NRXN3: variants seen among roughly 807,000 people sequenced by gnomAD.
NRXN3 encodes the protein neurexin 3, also known as neurexin III.
Under a neutral mutation model 137.6 loss-of-function variants are expected in NRXN3, and 32 were observed. The observed-to-expected ratio is 0.23, with a 90% CI of 0.18 to 0.31. The LOEUF (loss-of-function observed/expected upper bound fraction) is 0.31. Ranked by LOEUF, NRXN3 falls within the 10% of genes least tolerant of loss-of-function variation. The pLI is 1.00. For synonymous variants in NRXN3, 798 were observed against 784.5 expected, an observed-to-expected ratio of 1.02 and a Z score of -0.29; for missense variants, 1,574 against 2,062.5, an observed-to-expected ratio of 0.76 and a Z score of 4.59.
At chr14:78,551,330 C>G (rs1028844754) in intron 4 of NRXN3, among the ~76,000 whole-genome samples, 6 of 152,018 alleles carry the variant, frequency 3.9e-5, no homozygotes, top group African/African-American at 1.2e-4. Flanking sequence ...TGCTCTTTCT[C>G]TCTTGCCTTC....
intron 19 of NRXN3, among the ~76,000 whole-genome samples, chr14:79,775,331 T>C (rs920362862): frequency 6.6e-6 from 1 of 152,090 alleles, no homozygotes; most frequent in Middle Eastern, 3.2e-3. Flanking sequence ...TAATTCTAGG[T>C]ATCCTGGAAA....
intron 15 of NRXN3, among the ~76,000 whole-genome samples, chr14:79,422,062 G>T (rs1170145316): frequency 6.6e-6 from 1 of 152,010 alleles, no homozygotes; most frequent in Admixed American, 6.6e-5. Context: ...GTTTCATAGG[G>T]TTTTTGTTTT....
intron 4 of NRXN3, among the ~76,000 whole-genome samples, chr14:78,345,253 T>A (rs1435692063): frequency 6.6e-6 from 1 of 152,178 alleles, no homozygotes; most frequent in Non-Finnish European, 1.5e-5. Context: ...GTAGTTCAGC[T>A]TTTACTAAGG....
At chr14:78,237,311 G>A (rs1301927338) in intron 1 of NRXN3, among the ~76,000 whole-genome samples, 1 of 152,132 alleles carries the variant, frequency 6.6e-6, no homozygotes, top group African/African-American at 2.4e-5. Flanking sequence ...ACTTGCTAAA[G>A]GAAAAAAAGT....
At chr14:78,643,096 A>C (rs1303601572) in intron 4 of NRXN3, among the ~76,000 whole-genome samples, 3 of 152,236 alleles carry the variant, frequency 2.0e-5, no homozygotes. Context: ...TAATGATGTC[A>C]TAATGCTAAG....
intron 2 of NRXN3, among the ~76,000 whole-genome samples, chr14:78,267,867 G>A (rs1181966692): frequency 1.3e-5 from 2 of 152,270 alleles, no homozygotes; most frequent in Middle Eastern, 3.4e-3. Context: ...GTGACTAACA[G>A]CAATGCAGAG....
At chr14:78,832,482 T>C (rs1406754259) in intron 10 of NRXN3, among the ~76,000 whole-genome samples, 2 of 152,180 alleles carry the variant, frequency 1.3e-5, no homozygotes, top group Non-Finnish European at 2.9e-5. Flanking sequence ...CTAGGCTAAG[T>C]AAGCATGAAA....
At chr14:78,480,794 A>T (rs939552677) in intron 4 of NRXN3, among the ~76,000 whole-genome samples, 1 of 152,166 alleles carries the variant, frequency 6.6e-6, no homozygotes, top group African/African-American at 2.4e-5. Flanking sequence ...AATGGAGCAG[A>T]CACATGATTA....
chr14:78,899,446 G>A (rs1597150322), intron 10 of NRXN3, among the ~76,000 whole-genome samples: 1 of 151,938 alleles, frequency 6.6e-6, no homozygotes, highest in Non-Finnish European at 1.5e-5. Flanking sequence ...CTTCTGCCAC[G>A]TGGGCACAGA....
intron 15 of NRXN3, among the ~76,000 whole-genome samples, chr14:79,172,624 A>C (rs1351469907): frequency 1.3e-5 from 2 of 152,188 alleles, no homozygotes; most frequent in African/African-American, 4.8e-5. Flanking sequence ...ATCTAAATCA[A>C]AGACTATGGT....
At chr14:78,627,855 C>A (rs72683556) in intron 4 of NRXN3, among the ~76,000 whole-genome samples, 9,266 of 152,158 alleles carry the variant, frequency 0.061, 338 homozygotes, top group Middle Eastern at 0.15. Context: ...AAGTGAGGAG[C>A]ATACCCCTTC....
intron 20 of NRXN3, among the ~76,000 whole-genome samples, chr14:79,824,775 T>TTTTG (rs1693932420): frequency 6.6e-6 from 1 of 152,220 alleles, no homozygotes; most frequent in South Asian, 2.1e-4. Context: ...ACTCTTTTGG[T>TTTTG]TTTGTTAGTA....
chr14:79,208,843 G>T (rs1018904984), intron 15 of NRXN3, among the ~76,000 whole-genome samples: 1 of 152,090 alleles, frequency 6.6e-6, no homozygotes, highest in Non-Finnish European at 1.5e-5. Flanking sequence ...TATACTTTAA[G>T]AAAAAAATTC....
rs140445434 is a variant in NRXN3, at chr14:79,491,600, C to CAAAAAAA, written c.3444+24200_3444+24206dup. Among the ~76,000 whole-genome samples, 39 of 150,222 alleles carry CAAAAAAA rather than the reference C, an allele frequency of 2.6e-4. 2 individuals are homozygous for CAAAAAAA. The highest frequency in any genetic ancestry group is 9.1e-4 in the African/African-American group (37 of 40,460). The stretch of plus-strand genomic sequence containing the variant: ...TGTAAAGAAATGACATTTTTCGTCT[C>CAAAAAAA]AAAAAAAAGCAAAAACAAAAAAGAA... On this transcript the variant is annotated intron_variant, in intron 16 of 20. Transcript: ENST00000335750.
chr14:78,184,905 G>A (rs1479023678), intron 1 of NRXN3, among the ~76,000 whole-genome samples: 1 of 152,196 alleles, frequency 6.6e-6, no homozygotes, highest in African/African-American at 2.4e-5. Flanking sequence ...GCTCGAGTTT[G>A]GATGCTGTGC....
At chr14:79,392,199 G>A (rs1261805989) in intron 15 of NRXN3, among the ~76,000 whole-genome samples, 2 of 152,066 alleles carry the variant, frequency 1.3e-5, no homozygotes, top group East Asian at 3.9e-4. Flanking sequence ...CTGTGTCCAT[G>A]TTTTCTCATT....
intron 6 of NRXN3, among the ~76,000 whole-genome samples, chr14:78,682,400 C>CT (rs11387931): frequency 0.34 from 50,339 of 146,014 alleles, 10,567 homozygotes; most frequent in African/African-American, 0.61. Flanking sequence ...ACATCTGATA[C>CT]TTTTTTTTTT....
chr14:78,880,006 G>T (rs975080880), intron 10 of NRXN3, among the ~76,000 whole-genome samples: 2 of 141,406 alleles, frequency 1.4e-5, no homozygotes, highest in African/African-American at 6.4e-5. Context: ...TTGGGAGGCC[G>T]AGGCGGGCGG....
intron 10 of NRXN3, among the ~76,000 whole-genome samples, chr14:78,862,543 G>A (rs188080924): frequency 6.6e-6 from 1 of 151,980 alleles, no homozygotes; most frequent in Non-Finnish European, 1.5e-5. Flanking sequence ...TTGTTGTATG[G>A]TCTGTTTTAT....
Sources: gnomAD v4.1 joint callset for allele counts (sites outside exome capture counted in the v4.1 genomes callset) on GRCh38, gnomAD v4.1.1 for gene constraint, MANE v1.5 for transcripts, NCBI Gene and HGNC (gene_info 2026-07-23, HGNC 2026-07-21) for gene names.